GRM5: variants seen among roughly 807,000 people sequenced by gnomAD.
GRM5 encodes the protein glutamate metabotropic receptor 5, also known as metabotropic glutamate receptor 5.
GRM5 carries 19 observed loss-of-function variants against 83.1 expected under a neutral mutation model. The observed-to-expected ratio is 0.23, with a 90% CI of 0.16 to 0.34. The LOEUF (loss-of-function observed/expected upper bound fraction) is 0.34, where lower values mean the gene tolerates loss of function less well. GRM5 is among the 10% of genes least tolerant of loss of function. The probability of loss-of-function intolerance (pLI) is 1.00; values close to 1 mark genes in which losing one functional copy is unlikely to be tolerated. For synonymous variants in GRM5, 675 were observed against 633.6 expected, an observed-to-expected ratio of 1.07 and a Z score of -0.98; for missense variants, 1,160 against 1,588.3, an observed-to-expected ratio of 0.73 and a Z score of 4.58.
chr11:89,012,817 T>A (rs978475903), intron 2 of GRM5, among the ~76,000 whole-genome samples: 1 of 152,192 alleles, frequency 6.6e-6, no homozygotes, highest in African/African-American at 2.4e-5. Flanking sequence ...AAGAACAATG[T>A]GAAGGAATCA....
intron 3 of GRM5, among the ~76,000 whole-genome samples, chr11:88,686,898 C>A (rs1940639528): frequency 6.6e-6 from 1 of 152,080 alleles, no homozygotes; most frequent in South Asian, 2.1e-4. Context: ...ATGGCACTGA[C>A]CAGATTTTGC....
intron 4 of GRM5, among the ~76,000 whole-genome samples, chr11:88,652,806 G>C (rs1939666287): frequency 6.6e-6 from 1 of 152,004 alleles, no homozygotes; most frequent in African/African-American, 2.4e-5. Context: ...CTTCCACTGT[G>C]CTAACTACTC....
intron 2 of GRM5, among the ~76,000 whole-genome samples, chr11:89,045,914 C>A (rs1941632542): frequency 6.6e-6 from 1 of 152,182 alleles, no homozygotes; most frequent in Non-Finnish European, 1.5e-5. Flanking sequence ...TGTTAAATTT[C>A]AATTGTCAAA....
chr11:88,693,555 A>G (rs1039167489), intron 3 of GRM5, among the ~76,000 whole-genome samples: 3 of 152,170 alleles, frequency 2.0e-5, no homozygotes, highest in Non-Finnish European at 4.4e-5. Flanking sequence ...CTAATGTCAA[A>G]TGGGTTTGCT....
intron 3 of GRM5, among the ~76,000 whole-genome samples, chr11:88,800,176 A>G (rs192556156): frequency 1.3e-5 from 2 of 152,290 alleles, no homozygotes; most frequent in East Asian, 3.9e-4. Flanking sequence ...CATTTCACAG[A>G]TGAAGAAATT....
At chr11:88,898,784 T>A (rs1471628198) in intron 2 of GRM5, among the ~76,000 whole-genome samples, 1 of 152,036 alleles carries the variant, frequency 6.6e-6, no homozygotes, top group Non-Finnish European at 1.5e-5. Context: ...GAACTATATA[T>A]CTATTTATCT....
chr11:89,007,327 T>C (rs1401098633), intron 2 of GRM5, among the ~76,000 whole-genome samples: 1 of 152,224 alleles, frequency 6.6e-6, no homozygotes, highest in African/African-American at 2.4e-5. Context: ...ACTGTTCTTT[T>C]CATGTCAGCA....
chr11:89,018,556 A>G (rs1013354555), intron 2 of GRM5, among the ~76,000 whole-genome samples: 6 of 152,280 alleles, frequency 3.9e-5, no homozygotes, highest in Middle Eastern at 3.4e-3. Context: ...TTATCTATCT[A>G]TCTATCCCAA....
intron 3 of GRM5, among the ~76,000 whole-genome samples, chr11:88,797,032 A>C (rs1412877219): frequency 1.3e-5 from 2 of 152,006 alleles, no homozygotes; most frequent in African/African-American, 2.4e-5. Context: ...CTGTTGAATT[A>C]ATGTATACAA....
intron 2 of GRM5, among the ~76,000 whole-genome samples, chr11:88,920,361 A>T (rs1030434300): frequency 6.6e-6 from 1 of 151,560 alleles, no homozygotes; most frequent in Non-Finnish European, 1.5e-5. Flanking sequence ...TAAAACCTAA[A>T]TAGACCAATA....
intron 4 of GRM5, among the ~76,000 whole-genome samples, chr11:88,623,166 A>G (rs1938688285): frequency 2.0e-5 from 3 of 152,098 alleles, no homozygotes; most frequent in African/African-American, 7.2e-5. Flanking sequence ...GCTTACTGCA[A>G]CCTCTGCCTC....
rs552439865 is a variant in GRM5, at chr11:88,753,659, C to T, written c.911+96247G>A. 2.6e-5 allele frequency among the ~76,000 whole-genome samples: 4 copies of T among 152,262 alleles called. No individual in the cohort carries two copies. In the South Asian group the frequency reaches 6.2e-4, roughly 24 times the overall value. On this transcript the variant is annotated intron_variant, in intron 3 of 9. Transcript: ENST00000305447. ...GAAGCACTATTCACAGTAGCAAAGA[C>T]ATGGAATCAACCTAAATCCCCATCA...
chr11:88,931,077 G>GT (rs201608065), intron 2 of GRM5, among the ~76,000 whole-genome samples: 145,423 of 151,846 alleles, frequency 0.96, 69,721 homozygotes, highest in East Asian at 0.99. Flanking sequence ...TTTAATGAGA[G>GT]TTTTTTTAAA....
At chr11:88,866,825 T>G (rs1944675140) in intron 2 of GRM5, among the ~76,000 whole-genome samples, 1 of 152,026 alleles carries the variant, frequency 6.6e-6, no homozygotes, top group Non-Finnish European at 1.5e-5. Context: ...TCGTCTAGAG[T>G]TTTTATGGTT....
At chr11:88,937,677 C>A (rs914657536) in intron 2 of GRM5, among the ~76,000 whole-genome samples, 4 of 151,662 alleles carry the variant, frequency 2.6e-5, no homozygotes, top group Non-Finnish European at 5.9e-5. Context: ...GTCCACCAGG[C>A]CCTCAAATAC....
At chr11:89,018,700 A>G (rs1940914623) in intron 2 of GRM5, among the ~76,000 whole-genome samples, 1 of 152,192 alleles carries the variant, frequency 6.6e-6, no homozygotes, top group African/African-American at 2.4e-5. Context: ...GATGGGGGAT[A>G]GTGGGAAGTT....
At chr11:89,042,104 G>A (rs779244135) in intron 2 of GRM5, among the ~76,000 whole-genome samples, 4 of 152,124 alleles carry the variant, frequency 2.6e-5, no homozygotes, top group Non-Finnish European at 5.9e-5. Context: ...GAGTGCAATG[G>A]CATGATCTTG....
chr11:88,965,724 A>G (rs1011262101), intron 2 of GRM5, among the ~76,000 whole-genome samples: 4 of 152,142 alleles, frequency 2.6e-5, no homozygotes, highest in Non-Finnish European at 5.9e-5. Flanking sequence ...TTAATTTGGT[A>G]TGTAGCCAGC....
chr11:88,970,270 G>C (rs1287966644), intron 2 of GRM5, among the ~76,000 whole-genome samples: 8 of 152,064 alleles, frequency 5.3e-5, no homozygotes, highest in African/African-American at 1.9e-4. Flanking sequence ...GTTCAACGTG[G>C]GTGGCTCTGC....
Sources: gnomAD v4.1 joint callset for allele counts (sites outside exome capture counted in the v4.1 genomes callset) on GRCh38, gnomAD v4.1.1 for gene constraint, MANE v1.5 for transcripts, NCBI Gene and HGNC (gene_info 2026-07-23, HGNC 2026-07-21) for gene names.